Variants in HDAC4 observed in about 807,000 individuals in gnomAD.
HDAC4 encodes the protein histone deacetylase A.
HDAC4 carries 16 observed loss-of-function variants against 135.1 expected under a neutral mutation model. That is an observed-to-expected ratio of 0.12 (90% CI 0.08 to 0.18). The LOEUF is 0.18. Among genes scored for constraint, HDAC4 ranks in the 10% least tolerant of loss-of-function variants. The probability of loss-of-function intolerance (pLI) is 1.00; values close to 1 mark genes in which losing one functional copy is unlikely to be tolerated. For missense variants in HDAC4, 1,143 were observed against 1,511.8 expected (o/e 0.76, Z 4.05); for synonymous variants, 685 against 653.4 (o/e 1.05, Z -0.74).
In HDAC4 at chr2:239,054,962, G is replaced by GA. The variant is rs542056581; in HGVS notation, c.3004-130dup. On this transcript the variant is annotated intron_variant, in intron 24 of 26. Coordinates refer to ENST00000543185, the MANE Select transcript of HDAC4 (RefSeq NM_001378414.1). Reference sequence around the variant, plus strand: ...GTGGGGTGCATTTGCCCACAGAGTAGAAAAAAATAACTTTAAAAAGCCAAA... The same window carrying GA: ...GTGGGGTGCATTTGCCCACAGAGTAGAAAAAAAATAACTTTAAAAAGCCAAA... 1.0e-4 allele frequency: 73 copies of GA among 723,110 alleles called. No individual in the cohort carries two copies. In the African/African-American group the frequency reaches 1.2e-3, roughly 12 times the overall value. The allele number at this position is 723,110 out of a possible 1,614,324, so 44.8% of individuals were successfully genotyped here.
intron 3 of HDAC4, among the ~76,000 whole-genome samples, chr2:239,190,481 G>C (rs528346513): frequency 1.3e-5 from 2 of 152,204 alleles, no homozygotes; most frequent in South Asian, 4.1e-4. Context: ...GGAAAAGCGC[G>C]GGCGCCAGGT....
chr2:239,367,821 A>G (rs1401892449), intron 1 of HDAC4, among the ~76,000 whole-genome samples: 3 of 152,006 alleles, frequency 2.0e-5, no homozygotes, highest in East Asian at 3.9e-4. Context: ...TAAAAATACA[A>G]AAACTAGCCA....
chr2:239,214,286 G>C (rs887522520), intron 3 of HDAC4, among the ~76,000 whole-genome samples: 6 of 152,014 alleles, frequency 3.9e-5, no homozygotes, highest in African/African-American at 1.4e-4. Flanking sequence ...CACCTGCATG[G>C]CCCTGTCGAC....
At chr2:239,278,221 A>C (rs1233671913) in intron 2 of HDAC4, among the ~76,000 whole-genome samples, 1 of 151,968 alleles carries the variant, frequency 6.6e-6, no homozygotes, top group East Asian at 1.9e-4. Context: ...ACAAAGCATC[A>C]AGCCAAGTGG....
At chr2:239,162,809 C>T (rs116134651) in intron 6 of HDAC4, among the ~76,000 whole-genome samples, 2,233 of 152,206 alleles carry the variant, frequency 0.015, 57 homozygotes, top group African/African-American at 0.051. Context: ...GTCGGGGTAG[C>T]GGGCGGCCTC....
chr2:239,395,382 G>A lies in HDAC4; in HGVS notation c.-220+5596C>T, dbSNP rs867297489. Reference sequence around the variant, plus strand: ...TGTAGGATGGGCTGTAGCAGAGCCCGCTCAGACCCCGAGGGTCAGTCCCCA... The same window carrying A: ...TGTAGGATGGGCTGTAGCAGAGCCCACTCAGACCCCGAGGGTCAGTCCCCA... On this transcript the variant is annotated intron_variant, in intron 1 of 26. Coordinates refer to ENST00000543185, the MANE Select transcript of HDAC4 (RefSeq NM_001378414.1). 1.1e-4 allele frequency among the ~76,000 whole-genome samples: 17 copies of A among 152,186 alleles called. 1 individual carries two copies. The highest frequency in any genetic ancestry group is 6.3e-3 in the Middle Eastern group (2 of 316).
chr2:239,183,633 T>A (rs2044296744), intron 4 of HDAC4, among the ~76,000 whole-genome samples: 1 of 152,256 alleles, frequency 6.6e-6, no homozygotes, highest in Non-Finnish European at 1.5e-5. Context: ...GTGCACGAGG[T>A]CTTCCCGTCT....
rs1272626928 is a variant in HDAC4, at chr2:239,137,937, A to G, written c.978+1747T>C. Among the ~76,000 whole-genome samples, 3 of 152,206 alleles carry G rather than the reference A, an allele frequency of 2.0e-5. No homozygotes were observed. The East Asian group carries it at 5.8e-4, about 29-fold the overall frequency. ...GCTTCATTTACGTATCGTGATTTCT[A>G]AAAATTAACACAGAACTGGAATGAT... On this transcript the variant is annotated intron_variant, in intron 9 of 26. Coordinates refer to ENST00000543185, the MANE Select transcript of HDAC4 (RefSeq NM_001378414.1).
rs1163832325 is a variant in HDAC4 at position 239,051,140 on chromosome 2, C to CG, written c.*1956dup. 2.0e-5 allele frequency: 3 copies of CG among 152,538 alleles called. No homozygotes were observed. The highest frequency in any genetic ancestry group is 4.4e-5 in the Non-Finnish European group (3 of 68,034). The allele number at this position is 152,538 out of a possible 1,614,324, so 9.4% of individuals were successfully genotyped here. On this transcript the variant is annotated 3_prime_UTR_variant, in exon 27 of 27. Transcript: ENST00000543185. The stretch of plus-strand genomic sequence containing the variant: ...CATCTGGCAAGCCTCCCAGGGTGGC[C>CG]GGGCATCCTAAGCAACCCTCCCTGC...
rs578147521 is a variant in HDAC4, at chr2:239,141,404, C to T, written c.866-1608G>A. ...GCATGAATACAGGACTGGGTCCCGA[C>T]CCTACCCCATCCTCTTTCTTTCCCT... On this transcript the variant is annotated intron_variant, in intron 8 of 26. Transcript: ENST00000543185. This position sits in a 1 kb window ranked among gnomAD's most constrained non-coding sequence, Gnocchi z 4.9. Among the ~76,000 whole-genome samples the T allele has an allele frequency of 6.6e-5, 10 of 152,316 alleles. 1 individual carries two copies. The Middle Eastern group carries it at 0.01, about 155-fold the overall frequency.
chr2:239,199,217 T>C (rs185281138), intron 3 of HDAC4, among the ~76,000 whole-genome samples: 83 of 152,078 alleles, frequency 5.5e-4, no homozygotes, highest in African/African-American at 2.0e-3. Flanking sequence ...CCCGTTCTTC[T>C]GAAAGCTGGG....
intron 12 of HDAC4, among the ~76,000 whole-genome samples, chr2:239,116,709 C>T (rs2039167156): frequency 6.6e-6 from 1 of 152,208 alleles, no homozygotes; most frequent in African/African-American, 2.4e-5. Context: ...GCTGAAGAGC[C>T]CCTCCATCGT....
At chr2:239,346,671 A>T (rs976193811) in intron 2 of HDAC4, among the ~76,000 whole-genome samples, 2 of 150,174 alleles carry the variant, frequency 1.3e-5, no homozygotes, top group Admixed American at 6.6e-5. Context: ...AATACAGTCT[A>T]AAACACACAC....
chr2:239,060,070 G>T (rs116053854), intron 24 of HDAC4, among the ~76,000 whole-genome samples: 1 of 152,196 alleles, frequency 6.6e-6, no homozygotes, highest in Non-Finnish European at 1.5e-5. Context: ...GTCCTCCGCC[G>T]GTGGAAACAG....
chr2:239,378,249 G>C (rs1378354465), intron 1 of HDAC4, among the ~76,000 whole-genome samples: 1 of 152,126 alleles, frequency 6.6e-6, no homozygotes, highest in Non-Finnish European at 1.5e-5. Flanking sequence ...CTTCCTGGGG[G>C]AGACGAGCAC....
chr2:239,172,595 T>G (rs2043524993), intron 5 of HDAC4, among the ~76,000 whole-genome samples: 1 of 151,876 alleles, frequency 6.6e-6, no homozygotes, highest in South Asian at 2.1e-4. Context: ...ATCAAAAAGC[T>G]ACAAAAACCA....
In HDAC4 at chr2:239,139,571, C is replaced by T; in HGVS notation, c.978+113G>A. 1.0e-6 allele frequency: 1 copy of T among 996,790 alleles called. No homozygotes were observed. The allele number at this position is 996,790 out of a possible 1,614,324, so 61.7% of individuals were successfully genotyped here. ...TGGCTCACAGGCCACTTTCCCTCAC[C>T]CCAAATTGGAAGGTGAAGAGTGAAG... On this transcript the variant is annotated intron_variant, in intron 9 of 26. Transcript: ENST00000543185. This position sits in a 1 kb window ranked among gnomAD's most constrained non-coding sequence, Gnocchi z 5.3.
chr2:239,127,722 G>A (rs749029903), intron 11 of HDAC4, among the ~76,000 whole-genome samples: 1 of 152,248 alleles, frequency 6.6e-6, no homozygotes, highest in Non-Finnish European at 1.5e-5. Context: ...GCATCCGCCT[G>A]AGGCAGCCTG....
chr2:239,368,707 T>C (rs1694394154), intron 1 of HDAC4, among the ~76,000 whole-genome samples: 1 of 152,048 alleles, frequency 6.6e-6, no homozygotes, highest in Non-Finnish European at 1.5e-5. Context: ...CCAGGTGAGG[T>C]GGGAGACCTG....
Sources: allele counts gnomAD v4.1 joint callset (sites outside exome capture counted in the v4.1 genomes callset), GRCh38; gene constraint gnomAD v4.1.1; non-coding constraint Gnocchi (gnomAD v3.1); transcripts MANE v1.5; gene names NCBI Gene and HGNC (gene_info 2026-07-23, HGNC 2026-07-21).